The following ATP8A2 variants were observed in gnomAD, a reference collection of about 807,000 sequenced individuals.
ATP8A2 encodes phospholipid-transporting ATPase IB.
In ATP8A2, 100 loss-of-function variants were observed where a neutral mutation model predicts 165.6. The observed-to-expected ratio is 0.60, with a 90% CI of 0.51 to 0.71. The LOEUF (loss-of-function observed/expected upper bound fraction) is 0.71, where lower values mean the gene tolerates loss of function less well. ATP8A2 is among the 30% of genes least tolerant of loss of function. The probability of loss-of-function intolerance (pLI) is 0.00; values close to 1 mark genes in which losing one functional copy is unlikely to be tolerated. For synonymous variants in ATP8A2, 543 were observed against 548.8 expected, an observed-to-expected ratio of 0.99 and a Z score of 0.15; for missense variants, 1,227 against 1,479.5, an observed-to-expected ratio of 0.83 and a Z score of 2.80.
At chr13:25,378,611 T>C (rs2032723748) in intron 1 of ATP8A2, among the ~76,000 whole-genome samples, 1 of 152,166 alleles carries the variant, frequency 6.6e-6, no homozygotes. Context: ...GTTTCTGCTT[T>C]CCAAGCTGAC....
At chr13:25,555,430 G>C (rs1025664283) in intron 13 of ATP8A2, among the ~76,000 whole-genome samples, 2 of 152,074 alleles carry the variant, frequency 1.3e-5, no homozygotes, top group Non-Finnish European at 2.9e-5. Flanking sequence ...AAAACGTGTG[G>C]GGGCCAATTT....
chr13:25,408,486 A>G (rs1436940950), intron 1 of ATP8A2, among the ~76,000 whole-genome samples: 1 of 152,064 alleles, frequency 6.6e-6, no homozygotes, highest in South Asian at 2.1e-4. Context: ...ACTTGTACGC[A>G]GTTCCCTGTG....
chr13:25,866,476 A>T (rs1952511368), intron 33 of ATP8A2, among the ~76,000 whole-genome samples: 1 of 152,188 alleles, frequency 6.6e-6, no homozygotes, highest in Admixed American at 6.5e-5. Flanking sequence ...TTAGCCAAAG[A>T]ATTTGAACAT....
chr13:25,492,476 A>G (rs1593395512), intron 2 of ATP8A2, among the ~76,000 whole-genome samples: 1 of 152,232 alleles, frequency 6.6e-6, no homozygotes, highest in Non-Finnish European at 1.5e-5. Context: ...GCTTACAAAA[A>G]AAATTCTCTT....
intron 17 of ATP8A2, 89 bp from the exon 18 acceptor site, chr13:25,571,521 G>T (rs1051201555): frequency 1.4e-5 from 13 of 930,082 alleles, no homozygotes; most frequent in Non-Finnish European, 2.2e-5. Context: ...CTTCAGTAGA[G>T]CGGATTTTGT....
chr13:25,570,852 T>C lies in ATP8A2; in HGVS notation c.1559T>C (p.Ile520Thr). ...VVPEKDGDNI[I>T]YQASSPDEAA... Reference sequence around the variant, plus strand: ...CCTGAGAAGGATGGAGATAACATCATCTACCAGGCCTCTTCCCCAGGTGAG... The same window carrying C: ...CCTGAGAAGGATGGAGATAACATCACCTACCAGGCCTCTTCCCCAGGTGAG... The change falls in exon 17 of 37, where the codon ATC (isoleucine) becomes ACC (threonine). Residue 520 changes from isoleucine to threonine, a missense_variant. Ile to Thr is a moderately conservative substitution (Grantham distance 89). Coordinates refer to ENST00000381655, the MANE Select transcript of ATP8A2 (RefSeq NM_016529.6). The C allele has an allele frequency of 6.2e-7, 1 of 1,613,484 alleles. No individual in the cohort carries two copies. The highest frequency in any genetic ancestry group is 8.5e-7 in the Non-Finnish European group (1 of 1,179,566).
At position 25,616,118 on chromosome 13, in the gene ATP8A2, C is replaced by G. The variant is rs1380885486; in HGVS notation, c.2211+26419C>G. On this transcript the variant is annotated intron_variant, in intron 24 of 36. Transcript: ENST00000381655. ...TTATTAGATGCAGACCAAAAAACCC[C>G]CAAATAATTAACATTCATTTATCAT... 2.6e-5 allele frequency among the ~76,000 whole-genome samples: 4 copies of G among 152,024 alleles called. No homozygotes were observed. In the South Asian group the frequency reaches 8.3e-4, roughly 32 times the overall value.
At chr13:25,642,546 C>A (rs1055047399) in intron 24 of ATP8A2, among the ~76,000 whole-genome samples, 10 of 152,156 alleles carry the variant, frequency 6.6e-5, no homozygotes, top group Non-Finnish European at 1.3e-4. Flanking sequence ...CAATGAGATA[C>A]CATCTCACAC....
intron 24 of ATP8A2, among the ~76,000 whole-genome samples, chr13:25,697,749 G>A (rs1424915639): frequency 1.3e-5 from 2 of 152,314 alleles, no homozygotes; most frequent in East Asian, 3.9e-4. Flanking sequence ...ATAAGAAAAT[G>A]GCAATTTAAA....
At chr13:25,560,789 A>T (rs116810991) in intron 15 of ATP8A2, among the ~76,000 whole-genome samples, 5,045 of 150,706 alleles carry the variant, frequency 0.033, 299 homozygotes, top group African/African-American at 0.12. Flanking sequence ...TTTATCTCCT[A>T]CTCTTGCTCC....
intron 25 of ATP8A2, among the ~76,000 whole-genome samples, chr13:25,758,521 C>T (rs1340711497): frequency 6.6e-6 from 1 of 152,124 alleles, no homozygotes; most frequent in South Asian, 2.1e-4. Context: ...TGCAAAATAA[C>T]CTTTACATTA....
intron 1 of ATP8A2, among the ~76,000 whole-genome samples, chr13:25,405,650 A>G (rs1294278023): frequency 6.6e-6 from 1 of 152,098 alleles, no homozygotes; most frequent in African/African-American, 2.4e-5. Flanking sequence ...TGACAAACCA[A>G]CAAATAAAGC....
Position 25,961,679 on chromosome 13 carries a change from A to C in ATP8A2, c.3272+16A>C, listed in dbSNP as rs1566306968. The C allele has an allele frequency of 1.3e-6, 2 of 1,588,394 alleles. No homozygotes were observed. The highest frequency in any genetic ancestry group is 1.7e-6 in the Non-Finnish European group (2 of 1,156,672). On this transcript the variant is annotated intron_variant, in intron 34 of 36. Coordinates refer to ENST00000381655, the MANE Select transcript of ATP8A2 (RefSeq NM_016529.6). ...CATGGAGAGCGTAAGTTTAACAGTG[A>C]AGCGGGGACCCTAAGTCTGGCTCAT...
In ATP8A2 at chr13:26,011,326, C is replaced by T. The variant is rs1956842494; in HGVS notation, c.3378-1205C>T. 2.6e-5 allele frequency among the ~76,000 whole-genome samples: 4 copies of T among 152,300 alleles called. No individual in the cohort carries two copies. The South Asian group carries it at 6.2e-4, about 24-fold the overall frequency. ...GCTGTGTGCTCTGTGGTCTTCCCTC[C>T]GTGTATGCCTGTGTCCTCATCTCCT... On this transcript the variant is annotated intron_variant, in intron 35 of 36. Transcript: ENST00000381655.
At chr13:25,414,702 A>T (rs1387152085) in intron 1 of ATP8A2, among the ~76,000 whole-genome samples, 1 of 152,230 alleles carries the variant, frequency 6.6e-6, no homozygotes, top group Non-Finnish European at 1.5e-5. Context: ...AATATTAATA[A>T]TCCCACTCAT....
At chr13:25,978,369 T>C (rs1334709857) in intron 35 of ATP8A2, among the ~76,000 whole-genome samples, 1 of 152,176 alleles carries the variant, frequency 6.6e-6, no homozygotes, top group Non-Finnish European at 1.5e-5. Context: ...TTTGCCTACC[T>C]CCAACTGTGA....
intron 33 of ATP8A2, among the ~76,000 whole-genome samples, chr13:25,952,885 A>G (rs1201188222): frequency 1.3e-5 from 2 of 152,238 alleles, no homozygotes; most frequent in Admixed American, 1.3e-4. Context: ...AAAAAGGTTC[A>G]TAGTAAAAAG....
intron 23 of ATP8A2, 71 bp downstream of exon 23, chr13:25,582,028 T>G: frequency 7.3e-7 from 1 of 1,375,388 alleles, no homozygotes; most frequent in Non-Finnish European, 1.0e-6. Context: ...TTTAAATGTG[T>G]CTAAATGTTT....
chr13:25,545,143 G>C (rs988383675), intron 10 of ATP8A2, among the ~76,000 whole-genome samples: 12 of 151,892 alleles, frequency 7.9e-5, no homozygotes, highest in Non-Finnish European at 1.8e-4. Context: ...GAGCTGGAAG[G>C]GTAGGGGCCC....
Sources: allele counts gnomAD v4.1 joint callset (sites outside exome capture counted in the v4.1 genomes callset), GRCh38; gene constraint gnomAD v4.1.1; transcripts MANE v1.5; gene names NCBI Gene and HGNC (gene_info 2026-07-23, HGNC 2026-07-21).